Variants in ZBTB37 observed in about 807,000 individuals in gnomAD.
ZBTB37 encodes zinc finger and BTB domain-containing protein 37.
A neutral mutation model predicts 37.7 loss-of-function variants in ZBTB37; 15 were observed. The observed-to-expected ratio is 0.40, with a 90% CI of 0.27 to 0.61. The LOEUF (loss-of-function observed/expected upper bound fraction) is 0.61, where lower values mean the gene tolerates loss of function less well. Ranked by LOEUF, ZBTB37 falls within the 20% of genes least tolerant of loss-of-function variation. The pLI is 0.44. For synonymous variants in ZBTB37, 231 were observed against 220.6 expected (o/e 1.05, Z -0.42); for missense variants, 514 against 641.9 (o/e 0.80, Z 2.15).
At chr1:173,886,306 T>C (rs1024240507) in exon 5 of ZBTB37, 5 of 887,758 alleles carry the variant, frequency 5.6e-6, no homozygotes, top group Middle Eastern at 3.5e-4. Context: ...TCCTCCCTTC[T>C]TATTGCCCGC....
At chr1:173,892,612 G>A (rs901263449) in exon 4 of ZBTB37, 1 of 152,140 alleles carries the variant, frequency 6.6e-6, no homozygotes, top group Non-Finnish European at 1.5e-5. Flanking sequence ...CCTCAACTGT[G>A]ACACAGCAGT....
In ZBTB37 at chr1:173,870,479, C is replaced by CT; in HGVS notation, c.257dup (p.Cys87LeufsTer44). The CT allele has an allele frequency of 6.2e-7, 1 of 1,614,238 alleles. No individual in the cohort carries two copies. Among genetic ancestry groups the CT allele is most frequent in the Non-Finnish European group, 8.5e-7 (1 of 1,180,042 alleles). The stretch of plus-strand genomic sequence containing the variant: ...CCTACTGTTTTTGAACAGCTCCTTT[C>CT]TTTCTGTTACACAGGGCGGATATGC... On this transcript the variant is annotated frameshift_variant, in exon 3 of 5. Coordinates refer to ENST00000427304, the Ensembl canonical transcript of ZBTB37. LOFTEE classifies it high-confidence loss of function.
At chr1:173,871,195 G>C in intron 3 of ZBTB37, 47 bp downstream of exon 3, 1 of 1,505,324 alleles carries the variant, frequency 6.6e-7, no homozygotes, top group Non-Finnish European at 8.9e-7. Flanking sequence ...CTATTGTGTA[G>C]ACATCACTAA....
chr1:173,869,968 T>C (rs1184338748), intron 2 of ZBTB37, among the ~76,000 whole-genome samples: 1 of 152,226 alleles, frequency 6.6e-6, no homozygotes, highest in Non-Finnish European at 1.5e-5. Context: ...TAACATGAAT[T>C]TTTAGGAGTC....
chr1:173,887,074 C>A (rs1235264532), downstream of ZBTB37: 3 of 152,116 alleles, frequency 2.0e-5, no homozygotes, highest in African/African-American at 7.2e-5. Flanking sequence ...ATATTGTAAT[C>A]AAAAATGTCA....
At chr1:173,900,067 C>G (rs964133311) in exon 4 of ZBTB37, 23 of 152,150 alleles carry the variant, frequency 1.5e-4, no homozygotes, top group Admixed American at 1.5e-3. Context: ...CTGCTTACAG[C>G]AATTTCTATT....
chr1:173,870,980 A>G, exon 3 of ZBTB37: 1 of 1,614,214 alleles, frequency 6.2e-7, no homozygotes, highest in Admixed American at 1.7e-5. Flanking sequence ...AATCTGGAGG[A>G]GTGGCTTGGG....
chr1:173,885,801 G>A (rs1656588330), exon 5 of ZBTB37: 1 of 1,551,576 alleles, frequency 6.4e-7, no homozygotes, highest in Admixed American at 2.0e-5. Flanking sequence ...CCTACACATG[G>A]GGATCACACC....
rs145638934 is a variant in ZBTB37 at position 173,883,640 on chromosome 1, C to G, written c.1024-1996C>G. On this transcript the variant is annotated intron_variant, in intron 4 of 4. Coordinates refer to ENST00000427304, the Ensembl canonical transcript of ZBTB37. ...ACCTTTAGTGGGATGATTCCTCATT[C>G]TTTATGTGAACTCAGTTTTTTTTAT... Among the ~76,000 whole-genome samples the G allele has an allele frequency of 1.3e-4, 20 of 152,228 alleles. 1 individual carries two copies. In the East Asian group the frequency reaches 3.9e-3, roughly 29 times the overall value.
intron 4 of ZBTB37, among the ~76,000 whole-genome samples, chr1:173,878,127 A>T (rs376771120): frequency 6.6e-6 from 1 of 152,160 alleles, no homozygotes; most frequent in Non-Finnish European, 1.5e-5. Context: ...ATTTCTTTTC[A>T]GGTGTCTGGG....
exon 3 of ZBTB37, chr1:173,870,453 C>T (rs1359090771): frequency 1.4e-5 from 22 of 1,614,100 alleles, no homozygotes; most frequent in Non-Finnish European, 1.7e-5. Context: ...TCATCAAGAA[C>T]CCTACTGTTT....
chr1:173,895,769 T>G (rs1004753912), exon 4 of ZBTB37: 8 of 152,176 alleles, frequency 5.3e-5, no homozygotes, highest in African/African-American at 1.2e-4. Context: ...ATCATTGAAG[T>G]TTTTTGATTT....
chr1:173,880,008 A>G (rs1039541606), intron 4 of ZBTB37, among the ~76,000 whole-genome samples: 8 of 152,314 alleles, frequency 5.3e-5, no homozygotes, highest in Non-Finnish European at 8.8e-5. Flanking sequence ...CCACCTAGCA[A>G]TCACCAACTC....
chr1:173,884,873 C>T (rs918526282), intron 4 of ZBTB37, among the ~76,000 whole-genome samples: 4 of 152,146 alleles, frequency 2.6e-5, no homozygotes, highest in Non-Finnish European at 5.9e-5. Context: ...AGCCATATTA[C>T]AAATACTCAA....
At chr1:173,900,227 G>A (rs1233874749) in exon 4 of ZBTB37, 2 of 152,058 alleles carry the variant, frequency 1.3e-5, no homozygotes, top group East Asian at 3.9e-4. Context: ...TTGTTTTTTT[G>A]TGAATGAAAT....
intron 4 of ZBTB37, among the ~76,000 whole-genome samples, chr1:173,877,335 A>G (rs534790430): frequency 2.0e-5 from 3 of 151,148 alleles, no homozygotes; most frequent in Admixed American, 6.6e-5. Context: ...TAATGAAATC[A>G]GTGTCCACTT....
chr1:173,892,473 T>G (rs1407120807), exon 4 of ZBTB37: 1 of 152,228 alleles, frequency 6.6e-6, no homozygotes, highest in African/African-American at 2.4e-5. Flanking sequence ...CAGAGTTAGA[T>G]ATTATGAATA....
At chr1:173,901,774 A>G (rs1657269831) in exon 4 of ZBTB37, 1 of 152,192 alleles carries the variant, frequency 6.6e-6, no homozygotes, top group South Asian at 2.1e-4. Context: ...TAATTTCTGA[A>G]TGGGACCCGC....
At chr1:173,873,552 C>G in exon 4 of ZBTB37, 1 of 1,614,018 alleles carries the variant, frequency 6.2e-7, no homozygotes, top group Non-Finnish European at 8.5e-7. Flanking sequence ...TGAGCCTAAG[C>G]AACCCAGCTC....
Sources: gnomAD v4.1 joint callset for allele counts (sites outside exome capture counted in the v4.1 genomes callset) on GRCh38, gnomAD v4.1.1 for gene constraint, MANE v1.5 for transcripts, NCBI Gene and HGNC (gene_info 2026-07-23, HGNC 2026-07-21) for gene names.